Variants in ADAMTS3 observed in about 807,000 individuals in gnomAD.
ADAMTS3 encodes ADAM metallopeptidase with thrombospondin type 1 motif 3, also known as A disintegrin and metalloproteinase with thrombospondin motifs 3.
Under a neutral mutation model 129.0 loss-of-function variants are expected in ADAMTS3, and 73 were observed. That is an observed-to-expected ratio of 0.57 (90% CI 0.47 to 0.69). The LOEUF (loss-of-function observed/expected upper bound fraction) is 0.69, where lower values mean the gene tolerates loss of function less well. ADAMTS3 is among the 30% of genes least tolerant of loss of function. The pLI is 0.00. For missense variants in ADAMTS3, 1,457 were observed against 1,514.5 expected (o/e 0.96, Z 0.63); for synonymous variants, 477 against 510.8 (o/e 0.93, Z 0.89).
chr4:72,552,999 C>T (rs6851167), intron 2 of ADAMTS3, among the ~76,000 whole-genome samples: 42,035 of 151,802 alleles, frequency 0.28, 6,826 homozygotes, highest in East Asian at 0.44. Context: ...TTCCCCACTG[C>T]CTAAAAAAGA....
At chr4:72,314,551 G>A (rs1198412150) in intron 11 of ADAMTS3, among the ~76,000 whole-genome samples, 2 of 151,958 alleles carry the variant, frequency 1.3e-5, no homozygotes, top group Non-Finnish European at 2.9e-5. Context: ...TTCACACTAC[G>A]TACAATAAAA....
chr4:72,397,546 C>T (rs181557526), intron 4 of ADAMTS3, among the ~76,000 whole-genome samples: 4 of 139,624 alleles, frequency 2.9e-5, no homozygotes, highest in Non-Finnish European at 4.6e-5. Flanking sequence ...GCCTGGGCGA[C>T]AGGGTGAGAC....
chr4:72,359,059 A>G (rs1450207706), intron 4 of ADAMTS3, among the ~76,000 whole-genome samples: 1 of 152,060 alleles, frequency 6.6e-6, no homozygotes, highest in Non-Finnish European at 1.5e-5. Context: ...AGAGAGGAAT[A>G]AACGATCTGC....
At chr4:72,336,209 C>T (rs562326447) in intron 5 of ADAMTS3, among the ~76,000 whole-genome samples, 2 of 152,186 alleles carry the variant, frequency 1.3e-5, no homozygotes, top group African/African-American at 4.8e-5. Context: ...CATAGGGACA[C>T]CTTTCACACT....
intron 3 of ADAMTS3, among the ~76,000 whole-genome samples, chr4:72,457,966 G>C (rs1351704070): frequency 6.7e-6 from 1 of 149,194 alleles, no homozygotes; most frequent in Non-Finnish European, 1.5e-5. Context: ...AAACAGTTTG[G>C]GAGATTAAAG....
At chr4:72,418,278 C>T (rs1171264210) in intron 3 of ADAMTS3, among the ~76,000 whole-genome samples, 3 of 152,122 alleles carry the variant, frequency 2.0e-5, no homozygotes, top group Admixed American at 1.3e-4. Flanking sequence ...GCCACTGTTA[C>T]TGTCCACATG....
At chr4:72,470,140 T>G (rs1193394079) in intron 3 of ADAMTS3, among the ~76,000 whole-genome samples, 1 of 151,972 alleles carries the variant, frequency 6.6e-6, no homozygotes, top group African/African-American at 2.4e-5. Flanking sequence ...ACTAGAATGC[T>G]CAATACTGTT....
intron 2 of ADAMTS3, among the ~76,000 whole-genome samples, chr4:72,565,476 T>C (rs530364947): frequency 4.6e-5 from 7 of 152,312 alleles, no homozygotes; most frequent in Non-Finnish European, 5.9e-5. Context: ...TCACTGTACA[T>C]AAGATTTTCT....
intron 3 of ADAMTS3, among the ~76,000 whole-genome samples, chr4:72,539,510 A>G (rs963966181): frequency 1.3e-5 from 2 of 151,392 alleles, no homozygotes; most frequent in Non-Finnish European, 2.9e-5. Context: ...AAAAAAAAAA[A>G]AAACAGAAAA....
intron 3 of ADAMTS3, among the ~76,000 whole-genome samples, chr4:72,542,634 T>C (rs1721363603): frequency 1.3e-5 from 2 of 152,238 alleles, no homozygotes; most frequent in South Asian, 4.1e-4. Flanking sequence ...TGTGACTACA[T>C]GTATAAATAA....
At chr4:72,307,434 C>T (rs1206184203) in intron 15 of ADAMTS3, among the ~76,000 whole-genome samples, 1 of 152,004 alleles carries the variant, frequency 6.6e-6, no homozygotes, top group African/African-American at 2.4e-5. Context: ...TTTAGCTTCT[C>T]TTGTTTCAGC....
rs147875907 is a variant in ADAMTS3 at position 72,501,921 on chromosome 4, T to G, written c.504+46557A>C. Among the ~76,000 whole-genome samples the G allele has an allele frequency of 6.8e-5, 10 of 147,054 alleles. No homozygotes were observed. The East Asian group carries it at 2.0e-3, about 29-fold the overall frequency. ...TTATATGGTGAATCACCTTTTTTGA[T>G]TTGTGTTTGTTGAACAAACCTCGCA... On this transcript the variant is annotated intron_variant, in intron 3 of 21. Transcript: ENST00000286657.
chr4:72,482,568 T>C (rs1472409411), intron 3 of ADAMTS3, among the ~76,000 whole-genome samples: 2 of 152,120 alleles, frequency 1.3e-5, no homozygotes, highest in African/African-American at 4.8e-5. Flanking sequence ...GAAAGCCTTT[T>C]AGTCATGTAA....
At chr4:72,298,144 G>T in intron 18 of ADAMTS3, 133 bp downstream of exon 18, 1 of 651,232 alleles carries the variant, frequency 1.5e-6, no homozygotes, top group Non-Finnish European at 2.5e-6. Flanking sequence ...AAAATGTTTT[G>T]TATTGATGTT....
intron 2 of ADAMTS3, among the ~76,000 whole-genome samples, chr4:72,567,145 T>C (rs1234908277): frequency 6.6e-6 from 1 of 152,218 alleles, no homozygotes; most frequent in Non-Finnish European, 1.5e-5. Context: ...AATAAACTGA[T>C]GCTTGAAATG....
At chr4:72,487,801 A>G (rs1719630599) in intron 3 of ADAMTS3, among the ~76,000 whole-genome samples, 1 of 152,098 alleles carries the variant, frequency 6.6e-6, no homozygotes, top group Non-Finnish European at 1.5e-5. Context: ...GGGAGTAGCT[A>G]TGATCAAATA....
At chr4:72,515,629 G>C (rs1720448652) in intron 3 of ADAMTS3, among the ~76,000 whole-genome samples, 1 of 151,770 alleles carries the variant, frequency 6.6e-6, no homozygotes, top group South Asian at 2.1e-4. Flanking sequence ...CTGCATAAAT[G>C]TCTTCTTTTG....
intron 3 of ADAMTS3, among the ~76,000 whole-genome samples, chr4:72,509,014 T>C (rs1317405300): frequency 6.6e-6 from 1 of 151,950 alleles, no homozygotes; most frequent in African/African-American, 2.4e-5. Context: ...AACAATATGC[T>C]CCTGAATGAC....
chr4:72,419,741 C>T (rs1722397089), intron 3 of ADAMTS3, among the ~76,000 whole-genome samples: 1 of 152,130 alleles, frequency 6.6e-6, no homozygotes. Flanking sequence ...AGTACAAAAA[C>T]TCCTGGCACA....
Sources: allele counts gnomAD v4.1 joint callset (sites outside exome capture counted in the v4.1 genomes callset), GRCh38; gene constraint gnomAD v4.1.1; transcripts MANE v1.5; gene names NCBI Gene and HGNC (gene_info 2026-07-23, HGNC 2026-07-21).